The following ARNT2 variants were observed in gnomAD, a reference collection of about 807,000 sequenced individuals.
The protein encoded by ARNT2 is aryl hydrocarbon receptor nuclear translocator 2.
Under a neutral mutation model 91.7 loss-of-function variants are expected in ARNT2, and 36 were observed. That is an observed-to-expected ratio of 0.39 (90% CI 0.30 to 0.52). ARNT2 has a LOEUF of 0.52. Ranked by LOEUF, ARNT2 falls within the 20% of genes least tolerant of loss-of-function variation. The pLI is 0.72. For missense variants in ARNT2, 775 were observed against 939.3 expected (o/e 0.83, Z 2.29); for synonymous variants, 365 against 347.1 (o/e 1.05, Z -0.57).
At position 80,440,572 on chromosome 15, in the gene ARNT2, G is replaced by A. The variant is rs115630484; in HGVS notation, c.32-10308G>A. On this transcript the variant is annotated intron_variant, in intron 1 of 18. Transcript: ENST00000303329. ...TGCAGTGCCCCTGTTCCAGAGGAGA[G>A]CCAGAGCTCTACCTGAGCCAGCACT... Among the ~76,000 whole-genome samples the A allele has an allele frequency of 5.4e-3, 816 of 152,278 alleles. 6 individuals carry two copies. The highest frequency in any genetic ancestry group is 0.019 in the African/African-American group (775 of 41,542).
At chr15:80,464,329 G>A (rs1020358168) in intron 3 of ARNT2, among the ~76,000 whole-genome samples, 3 of 151,808 alleles carry the variant, frequency 2.0e-5, no homozygotes, top group Admixed American at 1.3e-4. Context: ...TGGGGGTGGG[G>A]GGTTGCAAGG....
chr15:80,562,866 G>A, intron 11 of ARNT2: 1 of 632,392 alleles, frequency 1.6e-6, no homozygotes, highest in Non-Finnish European at 2.8e-6. Context: ...TCATACCGTG[G>A]TTACAGAATG....
chr15:80,530,510 C>T (rs776253518), intron 8 of ARNT2, among the ~76,000 whole-genome samples: 5 of 152,104 alleles, frequency 3.3e-5, no homozygotes, highest in Non-Finnish European at 7.3e-5. Flanking sequence ...CAGGCTTTGT[C>T]GACTCTTCCC....
intron 5 of ARNT2, among the ~76,000 whole-genome samples, chr15:80,502,802 G>T (rs78900068): frequency 2.3e-4 from 35 of 152,310 alleles, no homozygotes; most frequent in African/African-American, 8.4e-4. Context: ...GGGGGTTGGA[G>T]ATTAGGAGGG....
chr15:80,503,123 G>T (rs941298739), intron 5 of ARNT2, among the ~76,000 whole-genome samples: 3 of 152,208 alleles, frequency 2.0e-5, no homozygotes, highest in African/African-American at 7.2e-5. Flanking sequence ...ATGAAGATTA[G>T]ATTAGGAGCA....
intron 1 of ARNT2, chr15:80,441,467 T>C (rs1221969010): frequency 2.2e-6 from 2 of 900,402 alleles, no homozygotes. Flanking sequence ...TTTGGTTAGT[T>C]GCCTGCCCTC....
At chr15:80,504,029 T>C (rs181071108) in intron 5 of ARNT2, among the ~76,000 whole-genome samples, 1 of 152,306 alleles carries the variant, frequency 6.6e-6, no homozygotes, top group Admixed American at 6.5e-5. Flanking sequence ...GAGAGCACAA[T>C]ATGCTGCAGA....
At position 80,591,501 on chromosome 15, in the gene ARNT2, G is replaced by T; in HGVS notation, c.1919-67G>T. On this transcript the variant is annotated intron_variant, in intron 17 of 18. Coordinates refer to ENST00000303329, the MANE Select transcript of ARNT2 (RefSeq NM_014862.4). The surrounding 1 kb of genome is among the most constrained non-coding windows in gnomAD (Gnocchi z 5.1). ...AGCGGGAGGCCCTCCAGCCGCAGTG[G>T]TTCTTAGGTCTCACAGAACCACGGG... 1 of 1,600,896 alleles carries T rather than the reference G, an allele frequency of 6.2e-7. No homozygotes were observed. The highest frequency in any genetic ancestry group is 8.5e-7 in the Non-Finnish European group (1 of 1,170,596).
At chr15:80,463,799 A>G (rs1281481883) in intron 3 of ARNT2, among the ~76,000 whole-genome samples, 6 of 151,468 alleles carry the variant, frequency 4.0e-5, no homozygotes, top group Non-Finnish European at 5.9e-5. Flanking sequence ...AGGCTGGCCA[A>G]CCTCAGGTGA....
intron 12 of ARNT2, among the ~76,000 whole-genome samples, chr15:80,563,641 G>A (rs1205665498): frequency 1.3e-5 from 2 of 152,204 alleles, no homozygotes; most frequent in Non-Finnish European, 2.9e-5. Flanking sequence ...GGTGGAGGAA[G>A]GGAGGCTGAG....
intron 2 of ARNT2, 80 bp from the exon 3 acceptor site, chr15:80,457,849 C>A (rs370328725): frequency 1.3e-6 from 2 of 1,483,476 alleles, no homozygotes; most frequent in Non-Finnish European, 1.9e-6. Flanking sequence ...GAATAAAGCT[C>A]CTTTTGTTCC....
At chr15:80,465,310 G>A (rs766653492) in intron 3 of ARNT2, among the ~76,000 whole-genome samples, 9 of 152,168 alleles carry the variant, frequency 5.9e-5, no homozygotes, top group East Asian at 1.9e-4. Context: ...TTCCAAGCCC[G>A]ATGGCTTTGA....
At chr15:80,472,063 A>T (rs1566981687) in intron 4 of ARNT2, among the ~76,000 whole-genome samples, 1 of 152,136 alleles carries the variant, frequency 6.6e-6, no homozygotes, top group Non-Finnish European at 1.5e-5. Context: ...TTGCAGGATA[A>T]ATGAGGTGAT....
intron 11 of ARNT2, 192 bp downstream of exon 11, chr15:80,555,331 A>G (rs1898161406): frequency 1.2e-5 from 7 of 561,960 alleles, no homozygotes; most frequent in Non-Finnish European, 1.9e-5. Context: ...AATAAGTACT[A>G]TGTAATAGGA....
intron 5 of ARNT2, chr15:80,488,580 C>T (rs1369508892): frequency 1.3e-5 from 2 of 152,176 alleles, no homozygotes; most frequent in African/African-American, 2.4e-5. Context: ...CAGGACTCCA[C>T]TCCATTTCTG....
chr15:80,405,952 A>G (rs1263184682), intron 1 of ARNT2, among the ~76,000 whole-genome samples: 1 of 152,166 alleles, frequency 6.6e-6, no homozygotes, highest in Non-Finnish European at 1.5e-5. Flanking sequence ...AGGAAATCGC[A>G]TGATCACTTT....
intron 1 of ARNT2, among the ~76,000 whole-genome samples, chr15:80,446,776 G>A (rs915235437): frequency 3.9e-5 from 6 of 152,162 alleles, no homozygotes; most frequent in African/African-American, 1.2e-4. Context: ...TCTTAGTTTA[G>A]GTAAAATTTT....
chr15:80,540,284 G>C (rs895300563), intron 8 of ARNT2, among the ~76,000 whole-genome samples: 1 of 152,164 alleles, frequency 6.6e-6, no homozygotes, highest in Non-Finnish European at 1.5e-5. Flanking sequence ...CAGTGTGTGA[G>C]TGTTCCAGTT....
chr15:80,478,701 C>T (rs539047432), intron 5 of ARNT2, among the ~76,000 whole-genome samples: 3 of 152,286 alleles, frequency 2.0e-5, no homozygotes, highest in East Asian at 3.9e-4. Flanking sequence ...TTATTGATTC[C>T]GTGGGGGAGA....
Sources: gnomAD v4.1 joint callset for allele counts (sites outside exome capture counted in the v4.1 genomes callset) on GRCh38, gnomAD v4.1.1 for gene constraint, Gnocchi (gnomAD v3.1) non-coding constraint, MANE v1.5 for transcripts, NCBI Gene and HGNC (gene_info 2026-07-23, HGNC 2026-07-21) for gene names.